SV2B: variants seen among roughly 807,000 people sequenced by gnomAD.
SV2B encodes the protein solute carrier family 22 member B2.
In SV2B, 41 loss-of-function variants were observed where a neutral mutation model predicts 73.9. The ratio of observed to expected loss-of-function variants is 0.56; its 90% confidence interval spans 0.43 to 0.72. The LOEUF (loss-of-function observed/expected upper bound fraction) is 0.72, where lower values mean the gene tolerates loss of function less well. Among genes scored for constraint, SV2B ranks in the 30% least tolerant of loss-of-function variants. The probability of loss-of-function intolerance (pLI) is 0.00; values close to 1 mark genes in which losing one functional copy is unlikely to be tolerated. For missense variants in SV2B, 764 were observed against 857.8 expected, an observed-to-expected ratio of 0.89 and a Z score of 1.37; for synonymous variants, 314 against 314.2, an observed-to-expected ratio of 1.00 and a Z score of 0.01.
At chr15:91,208,065 T>C (rs972410207) in intron 1 of SV2B, among the ~76,000 whole-genome samples, 1 of 152,130 alleles carries the variant, frequency 6.6e-6, no homozygotes, top group African/African-American at 2.4e-5. Flanking sequence ...ACTTCTGCTG[T>C]TTTCTCAATT....
At chr15:91,103,791 T>A (rs1567253182) in intron 1 of SV2B, among the ~76,000 whole-genome samples, 1 of 152,110 alleles carries the variant, frequency 6.6e-6, no homozygotes, top group Non-Finnish European at 1.5e-5. Flanking sequence ...TGTCCCCGAG[T>A]CCACCTCAGA....
chr15:91,176,380 A>T (rs2044310041), intron 1 of SV2B, among the ~76,000 whole-genome samples: 1 of 151,566 alleles, frequency 6.6e-6, no homozygotes, highest in East Asian at 1.9e-4. Flanking sequence ...TAGCAGCATG[A>T]TTTATAGTCC....
At chr15:91,159,883 A>G (rs757975122) in intron 1 of SV2B, among the ~76,000 whole-genome samples, 2 of 152,200 alleles carry the variant, frequency 1.3e-5, no homozygotes, top group African/African-American at 2.4e-5. Context: ...ACTAATTAGA[A>G]AATTTGTCTG....
Position 91,267,542 on chromosome 15 carries a change from G to A in SV2B, c.1120-13G>A, listed in dbSNP as rs189830571. The stretch of plus-strand genomic sequence containing the variant: ...TGCTTTCTTTAACAATCCTTCTCTG[G>A]TATGGGTTGTAGGTCTGGGATAATG... On this transcript the variant is annotated splice_polypyrimidine_tract_variant and intron_variant, in intron 7 of 12. Coordinates refer to ENST00000394232, the MANE Select transcript of SV2B (RefSeq NM_001323032.3). The surrounding 1 kb of genome is among the most constrained non-coding windows in gnomAD (Gnocchi z 4.3). The A allele has an allele frequency of 1.2e-4, 197 of 1,604,462 alleles. 2 individuals carry two copies. The African/African-American group carries it at 1.7e-3, about 14-fold the overall frequency.
chr15:91,113,061 G>A, intron 1 of SV2B, among the ~76,000 whole-genome samples: 1 of 152,104 alleles, frequency 6.6e-6, no homozygotes, highest in Non-Finnish European at 1.5e-5. Context: ...TGAATTCCTG[G>A]CCTGAAGCGG....
At chr15:91,255,782 G>A (rs187559667) in intron 4 of SV2B, among the ~76,000 whole-genome samples, 1 of 152,306 alleles carries the variant, frequency 6.6e-6, no homozygotes, top group African/African-American at 2.4e-5. Flanking sequence ...ATCCATCCTA[G>A]AAATATGGTA....
In SV2B at chr15:91,167,606, A is replaced by C. The variant is rs2043961016; in HGVS notation, c.-391-58267A>C. ...TGATTCTGATCCTCCTGCTGCTCTT[A>C]TAGAAGGGCCCTGTGATTACACTTG... is the stretch of plus-strand genomic sequence containing the variant. On this transcript the variant is annotated intron_variant, in intron 1 of 12. Coordinates refer to ENST00000394232, the MANE Select transcript of SV2B (RefSeq NM_001323032.3). Among the ~76,000 whole-genome samples, 4 of 152,032 alleles carry C rather than the reference A, an allele frequency of 2.6e-5. No individual in the cohort carries two copies. The South Asian group carries it at 8.3e-4, about 32-fold the overall frequency.
intron 2 of SV2B, 64 bp from the exon 3 acceptor site, chr15:91,251,755 C>T (rs745434724): frequency 6.7e-7 from 1 of 1,482,564 alleles, no homozygotes; most frequent in Middle Eastern, 1.8e-4. Context: ...ATTTTGTAAA[C>T]ATTGTATAGT....
At chr15:91,228,074 G>A (rs796607471) in intron 2 of SV2B, among the ~76,000 whole-genome samples, 21 of 152,228 alleles carry the variant, frequency 1.4e-4, no homozygotes, top group African/African-American at 5.1e-4. Flanking sequence ...CCTGATTTAG[G>A]GCCACTGTAA....
In SV2B at chr15:91,297,565, C is replaced by T. The variant is rs942277901; in HGVS notation, c.*5013C>T. 7.2e-5 allele frequency: 11 copies of T among 152,108 alleles called. No homozygotes were observed. Among genetic ancestry groups the T allele is most frequent in the Admixed American group, 7.2e-4 (11 of 15,270 alleles). The allele number at this position is 152,108 out of a possible 1,614,324, so 9.4% of individuals were successfully genotyped here. A position where few individuals can be genotyped will look rare whatever the true frequency, so the allele number is the denominator to read the frequency against. ...AAGAATCTGCATTTTTTAACAAACT[C>T]CCAGGTGACATAGATGGCATCAATT... On this transcript the variant is annotated 3_prime_UTR_variant, in exon 13 of 13. Coordinates refer to ENST00000394232, the MANE Select transcript of SV2B (RefSeq NM_001323032.3). The surrounding 1 kb of genome is among the most constrained non-coding windows in gnomAD (Gnocchi z 5.1).
At position 91,130,316 on chromosome 15, in the gene SV2B, C is replaced by T. The variant is rs937229464; in HGVS notation, c.-392+29953C>T. On this transcript the variant is annotated intron_variant, in intron 1 of 12. Transcript: ENST00000394232. This position sits in a 1 kb window ranked among gnomAD's most constrained non-coding sequence, Gnocchi z 5.6. ...TATTGGGCTCTCTTGAGTGAACAGGCTCAGGAACCAATTGCAACTCAGGGA... is the reference window on the plus strand; with the variant it reads ...TATTGGGCTCTCTTGAGTGAACAGGTTCAGGAACCAATTGCAACTCAGGGA... Among the ~76,000 whole-genome samples the T allele has an allele frequency of 2.0e-4, 31 of 152,122 alleles. No homozygotes were observed. Among genetic ancestry groups the T allele is most frequent in the African/African-American group, 7.2e-4 (30 of 41,432 alleles).
Position 91,156,356 on chromosome 15 carries a change from C to T in SV2B, c.-392+55993C>T, listed in dbSNP as rs1405753487. 4.6e-5 allele frequency among the ~76,000 whole-genome samples: 7 copies of T among 152,144 alleles called. No individual in the cohort carries two copies. The East Asian group carries it at 9.6e-4, about 21-fold the overall frequency. ...CTTGTGCAGGGCCACTTGATGAACA[C>T]GTGCACCTCAAAAAGGCTAATAAGA... is the stretch of plus-strand genomic sequence containing the variant. On this transcript the variant is annotated intron_variant, in intron 1 of 12. Coordinates refer to ENST00000394232, the MANE Select transcript of SV2B (RefSeq NM_001323032.3).
chr15:91,244,626 C>G (rs1425948184), intron 2 of SV2B, among the ~76,000 whole-genome samples: 1 of 152,202 alleles, frequency 6.6e-6, no homozygotes, highest in African/African-American at 2.4e-5. Flanking sequence ...CCCTGATGTT[C>G]CTCCATGATT....
At chr15:91,263,315 GAC>G (rs2141665218) in intron 6 of SV2B, among the ~76,000 whole-genome samples, 1 of 149,882 alleles carries the variant, frequency 6.7e-6, no homozygotes, top group African/African-American at 2.5e-5. Context: ...GGAACACACG[GAC>G]ACACAGAGGC....
rs145893266 is a variant in SV2B at position 91,239,221 on chromosome 15, C to T, written c.451+12507C>T. 2.8e-4 allele frequency among the ~76,000 whole-genome samples: 43 copies of T among 152,134 alleles called. No homozygotes were observed. Among genetic ancestry groups the T allele is most frequent in the African/African-American group, 8.4e-4 (35 of 41,496 alleles). ...TGGCTGCTTGAATGTGTGGAGTGTA[C>T]GCTTTCTGTTTCACCACTGGAGATT... On this transcript the variant is annotated intron_variant, in intron 2 of 12. Coordinates refer to ENST00000394232, the MANE Select transcript of SV2B (RefSeq NM_001323032.3). The surrounding 1 kb of genome is among the most constrained non-coding windows in gnomAD (Gnocchi z 5.1).
intron 9 of SV2B, among the ~76,000 whole-genome samples, chr15:91,270,978 C>CGGACGGTGAGTCCTGTGGATGATGGGA (rs1567418135): frequency 2.2e-5 from 2 of 90,998 alleles, no homozygotes; most frequent in Admixed American, 9.5e-5. Context: ...GGATGATGGG[C>CGGACGGTGAGTCCTGTGGATGATGGGA]GGACGGTGAG....
chr15:91,210,946 A>G (rs375706020), intron 1 of SV2B, among the ~76,000 whole-genome samples: 1 of 152,250 alleles, frequency 6.6e-6, no homozygotes, highest in Non-Finnish European at 1.5e-5. Flanking sequence ...AGCGCCTGGC[A>G]TAGGCCCTCC....
intron 1 of SV2B, among the ~76,000 whole-genome samples, chr15:91,158,702 T>TTCCCTTC (rs2043592627): frequency 1.7e-5 from 1 of 59,568 alleles, no homozygotes. Context: ...TTCTCTTCTC[T>TTCCCTTC]CCTCTCCTCT....
rs1383668902 is a variant in SV2B, at chr15:91,132,486, A to T, written c.-392+32123A>T. 6.6e-6 allele frequency among the ~76,000 whole-genome samples: 1 copy of T among 152,226 alleles called. No homozygotes were observed. The highest frequency in any genetic ancestry group is 1.5e-5 in the Non-Finnish European group (1 of 68,034). The stretch of plus-strand genomic sequence containing the variant: ...ACCATTCAGAGGCTGGAGTGAAGTT[A>T]CAAAGTTGCAAACGAAGACGGGACC... On this transcript the variant is annotated intron_variant, in intron 1 of 12. Coordinates refer to ENST00000394232, the MANE Select transcript of SV2B (RefSeq NM_001323032.3). This position sits in a 1 kb window ranked among gnomAD's most constrained non-coding sequence, Gnocchi z 4.6.
Sources: gnomAD v4.1 joint callset for allele counts (sites outside exome capture counted in the v4.1 genomes callset) on GRCh38, gnomAD v4.1.1 for gene constraint, Gnocchi (gnomAD v3.1) non-coding constraint, MANE v1.5 for transcripts, NCBI Gene and HGNC (gene_info 2026-07-23, HGNC 2026-07-21) for gene names.